The following TBCD variants were observed in gnomAD, a reference collection of about 807,000 sequenced individuals.
The protein encoded by TBCD is tubulin folding cofactor D, also known as tubulin-specific chaperone D.
In TBCD, 105 loss-of-function variants were observed where a neutral mutation model predicts 169.3. That is an observed-to-expected ratio of 0.62 (90% CI 0.53 to 0.73). The LOEUF (loss-of-function observed/expected upper bound fraction) is 0.73. Among genes scored for constraint, TBCD ranks in the 30% least tolerant of loss-of-function variants. The probability of loss-of-function intolerance (pLI) is 0.00; values close to 1 mark genes in which losing one functional copy is unlikely to be tolerated. For missense variants in TBCD, 1,444 were observed against 1,600.1 expected, an observed-to-expected ratio of 0.90 and a Z score of 1.66; for synonymous variants, 700 against 643.9, an observed-to-expected ratio of 1.09 and a Z score of -1.32.
At chr17:82,775,149 C>T (rs939608826) in intron 6 of TBCD, among the ~76,000 whole-genome samples, 1 of 152,200 alleles carries the variant, frequency 6.6e-6, no homozygotes, top group African/African-American at 2.4e-5. Flanking sequence ...GACACCGCAG[C>T]GCCACCTAGT....
At chr17:82,885,491 C>G (rs1169689051) in intron 15 of TBCD, among the ~76,000 whole-genome samples, 2 of 152,194 alleles carry the variant, frequency 1.3e-5, no homozygotes, top group Non-Finnish European at 2.9e-5. Context: ...AAGCTCTTCT[C>G]TGTCCCTGAA....
chr17:82,830,452 GCGTCTGGAGCCTCCTCGC>G (rs1200556012), intron 13 of TBCD: 1 of 1,612,474 alleles, frequency 6.2e-7, no homozygotes, highest in Admixed American at 1.7e-5. Flanking sequence ...CACCGCGCAT[GCGTCTGGAGCCTCCTCGC>G]CGGGGCCTGT....
chr17:82,856,785 CGG>C (rs1225319904), intron 13 of TBCD, among the ~76,000 whole-genome samples: 12 of 142,002 alleles, frequency 8.5e-5, no homozygotes, highest in South Asian at 4.7e-4. Context: ...GGACCGCGTG[CGG>C]ACCCTCGCTG....
At chr17:82,834,683 CAG>C (rs1337607009) in intron 13 of TBCD, among the ~76,000 whole-genome samples, 2 of 141,472 alleles carry the variant, frequency 1.4e-5, no homozygotes, top group African/African-American at 2.7e-5. Context: ...CACATGGACA[CAG>C]GGAGGGGAAC....
Position 82,903,706 on chromosome 17 carries a change from G to A in TBCD, c.1804+228G>A, listed in dbSNP as rs932773617. On this transcript the variant is annotated intron_variant, in intron 19 of 38. Coordinates refer to ENST00000355528, the MANE Select transcript of TBCD (RefSeq NM_005993.5). This position sits in a 1 kb window ranked among gnomAD's most constrained non-coding sequence, Gnocchi z 4.8. ...GCCGCTGAACTGTGTTACGTACACC[G>A]GAGCCCGTGATGGTCCCGCCGGATG... is the stretch of plus-strand genomic sequence containing the variant. Among the ~76,000 whole-genome samples, 2 of 152,236 alleles carry A rather than the reference G, an allele frequency of 1.3e-5. No individual in the cohort carries two copies. The highest frequency in any genetic ancestry group is 1.9e-4 in the East Asian group (1 of 5,198).
chr17:82,932,513 T>C (rs1047317553), intron 33 of TBCD, 145 bp from the exon 34 acceptor site: 1 of 715,970 alleles, frequency 1.4e-6, no homozygotes, highest in Non-Finnish European at 2.5e-6. Flanking sequence ...AGTTGTTTTG[T>C]CTTTTCCTGA....
chr17:82,938,003 C>T, intron 35 of TBCD, 46 bp from the exon 36 acceptor site: 2 of 1,606,680 alleles, frequency 1.2e-6, no homozygotes, highest in Middle Eastern at 1.7e-4. Context: ...TGGGGTTGGC[C>T]TGCGCGGGGT....
chr17:82,800,724 G>A (rs1164512434), intron 8 of TBCD, 140 bp from the exon 9 acceptor site: 1 of 1,038,818 alleles, frequency 9.6e-7, no homozygotes, highest in Non-Finnish European at 1.4e-6. Flanking sequence ...CTTGGTTCAT[G>A]ATTTGGGATG....
chr17:82,937,276 C>G lies in TBCD; in HGVS notation c.3197C>G (p.Pro1066Arg), dbSNP rs1195217826. Residue 1066 changes from proline (P) to arginine (R), a missense_variant, in exon 35 of 39, where the codon CCC becomes CGC. Coordinates refer to ENST00000355528, the MANE Select transcript of TBCD (RefSeq NM_005993.5). ...FDIFTTEEDH[P>R]FAVKLLALCK... The stretch of plus-strand genomic sequence containing the variant: ...AGTGTGTGTTGTTCTTCCAGCCACC[C>G]CTTTGCTGTGAAGTTGCTTGCGCTC... 2 of 1,613,996 alleles carry G rather than the reference C, an allele frequency of 1.2e-6. No individual in the cohort carries two copies. Among genetic ancestry groups the G allele is most frequent in the East Asian group, 2.2e-5 (1 of 44,890 alleles).
intron 6 of TBCD, among the ~76,000 whole-genome samples, chr17:82,774,038 C>CTT (rs34066502): frequency 0.066 from 9,146 of 138,474 alleles, 575 homozygotes; most frequent in African/African-American, 0.17. Flanking sequence ...CCGAGTGTGT[C>CTT]TTTTTTTTTT....
At chr17:82,763,221 G>A (rs2047856796) in intron 2 of TBCD, among the ~76,000 whole-genome samples, 1 of 152,136 alleles carries the variant, frequency 6.6e-6, no homozygotes, top group South Asian at 2.1e-4. Flanking sequence ...GTAGGTTGGT[G>A]TGTATACTTA....
At chr17:82,844,237 T>TGTGTGTGTGTGTGTG (rs1452592886) in intron 13 of TBCD, among the ~76,000 whole-genome samples, 4 of 4,630 alleles carry the variant, frequency 8.6e-4, no homozygotes, top group Non-Finnish European at 1.8e-3. Flanking sequence ...GTGTGTGTGT[T>TGTGTGTGTGTGTGTG]TAAAGACCTG....
intron 19 of TBCD, among the ~76,000 whole-genome samples, chr17:82,904,821 G>A (rs1568003333): frequency 6.6e-6 from 1 of 152,076 alleles, no homozygotes; most frequent in Admixed American, 6.5e-5. Context: ...TTAGTGTGGC[G>A]CTCCCCTACT....
intron 13 of TBCD, among the ~76,000 whole-genome samples, chr17:82,819,328 A>C (rs1424243109): frequency 6.6e-6 from 1 of 152,156 alleles, no homozygotes; most frequent in African/African-American, 2.4e-5. Context: ...TCAGGAAAAA[A>C]GCATCGCATT....
chr17:82,859,835 C>T lies in TBCD; in HGVS notation c.1319-10389C>T, dbSNP rs114386478. 2,192 of 985,404 alleles carry T rather than the reference C, an allele frequency of 2.2e-3. 37 individuals are homozygous for T. In the African/African-American group the frequency reaches 0.036, roughly 16 times the overall value. 61.0% of individuals were successfully genotyped at this position (985,404 alleles called of 1,614,324 possible). On this transcript the variant is annotated intron_variant, in intron 13 of 38. Transcript: ENST00000355528. ...TGACCCAGAAAGATTCATCAGTGGGCGGTGAGTTGGGAACAGAAAGAAAAC... is the reference window on the plus strand; with the variant it reads ...TGACCCAGAAAGATTCATCAGTGGGTGGTGAGTTGGGAACAGAAAGAAAAC...
rs1317927982 is a variant in TBCD at position 82,789,362 on chromosome 17, C to T, written c.771+7641C>T. 6.6e-6 allele frequency among the ~76,000 whole-genome samples: 1 copy of T among 152,200 alleles called. No homozygotes were observed. Among genetic ancestry groups the T allele is most frequent in the Non-Finnish European group, 1.5e-5 (1 of 68,030 alleles). Reference sequence around the variant, plus strand: ...CCCTGGCCCATCCCTGCTGAGGTGGCGCGACCTGCTCACAGACGTGTGCTC... The same window carrying T: ...CCCTGGCCCATCCCTGCTGAGGTGGTGCGACCTGCTCACAGACGTGTGCTC... On this transcript the variant is annotated intron_variant, in intron 7 of 38. Transcript: ENST00000355528. This position sits in a 1 kb window ranked among gnomAD's most constrained non-coding sequence, Gnocchi z 4.8.
intron 13 of TBCD, among the ~76,000 whole-genome samples, chr17:82,825,939 C>T (rs2052804903): frequency 6.6e-6 from 1 of 152,228 alleles, no homozygotes; most frequent in South Asian, 2.1e-4. Context: ...GCACTCCGGC[C>T]TGGGCCAGTG....
rs569691036 is a variant in TBCD, at chr17:82,770,068, A to G, written c.582+1502A>G. On this transcript the variant is annotated intron_variant, in intron 5 of 38. Transcript: ENST00000355528. ...TACTTTGCTCATAAATGGTGGATCC[A>G]TGTTTGAATCCAGGCGGTTTATCTG... Among the ~76,000 whole-genome samples the G allele has an allele frequency of 5.3e-5, 8 of 152,208 alleles. No homozygotes were observed. The South Asian group carries it at 8.3e-4, about 16-fold the overall frequency.
intron 22 of TBCD, 71 bp downstream of exon 22, chr17:82,909,378 G>A: frequency 3.0e-6 from 4 of 1,346,698 alleles, no homozygotes; most frequent in Non-Finnish European, 4.1e-6. Flanking sequence ...GAGCAGGCGG[G>A]GCGGGTGTGT....
Sources: allele counts gnomAD v4.1 joint callset (sites outside exome capture counted in the v4.1 genomes callset), GRCh38; gene constraint gnomAD v4.1.1; non-coding constraint Gnocchi (gnomAD v3.1); transcripts MANE v1.5; gene names NCBI Gene and HGNC (gene_info 2026-07-23, HGNC 2026-07-21).